RNF144B: variants seen among roughly 807,000 people sequenced by gnomAD.
The protein encoded by RNF144B is ring finger protein 144B.
Under a neutral mutation model 40.2 loss-of-function variants are expected in RNF144B, and 25 were observed. The ratio of observed to expected loss-of-function variants is 0.62; its 90% CI spans 0.45 to 0.87. The LOEUF is 0.87. Among genes scored for constraint, RNF144B ranks in the 40% least tolerant of loss-of-function variants. RNF144B has a pLI of 0.00. For missense variants in RNF144B, 365 were observed against 373.7 expected (o/e 0.98, Z 0.19); for synonymous variants, 145 against 136.3 (o/e 1.06, Z -0.44).
intron 4 of RNF144B, among the ~76,000 whole-genome samples, chr6:18,449,705 A>G (rs1190275118): frequency 1.3e-5 from 2 of 151,790 alleles, no homozygotes; most frequent in Non-Finnish European, 2.9e-5. Context: ...AAGTATATAT[A>G]TATATATACA....
Position 18,443,322 on chromosome 6 carries a change from G to A in RNF144B, c.331+3578G>A, listed in dbSNP as rs1464331418. Among the ~76,000 whole-genome samples, 1 of 152,030 alleles carries A rather than the reference G, an allele frequency of 6.6e-6. No individual in the cohort carries two copies. The highest frequency in any genetic ancestry group is 6.6e-5 in the Admixed American group (1 of 15,262). ...CTGTTGCCCAGGCTGGATTGCAGTGGCACGAACTCTGCCCACTGCAACTTC... is the reference window on the plus strand; with the variant it reads ...CTGTTGCCCAGGCTGGATTGCAGTGACACGAACTCTGCCCACTGCAACTTC... On this transcript the variant is annotated intron_variant, in intron 4 of 7. Transcript: ENST00000259939. The surrounding 1 kb of genome is among the most constrained non-coding windows in gnomAD (Gnocchi z 4.7).
In RNF144B at chr6:18,406,076, T is replaced by C. The variant is rs747657421; in HGVS notation, c.165+6377T>C. ...TTATTTATTCAACAAATATTTGCTG[T>C]GTCTTGCATAGTTCTGATGGTTTGA... On this transcript the variant is annotated intron_variant, in intron 2 of 7. Transcript: ENST00000259939. This position sits in a 1 kb window ranked among gnomAD's most constrained non-coding sequence, Gnocchi z 4.2. The C allele has an allele frequency of 3.9e-6, 2 of 518,886 alleles. No homozygotes were observed. The highest frequency in any genetic ancestry group is 2.8e-5 in the South Asian group (2 of 71,546). 32.1% of individuals were successfully genotyped at this position (518,886 alleles called of 1,614,324 possible).
chr6:18,424,085 C>G (rs1758494047), intron 2 of RNF144B, among the ~76,000 whole-genome samples: 1 of 152,122 alleles, frequency 6.6e-6, no homozygotes, highest in South Asian at 2.1e-4. Flanking sequence ...TTGTTTCTCT[C>G]TTTATAAGCT....
At position 18,425,282 on chromosome 6, in the gene RNF144B, A is replaced by G. The variant is rs1358815621; in HGVS notation, c.166-2299A>G. Among the ~76,000 whole-genome samples the G allele has an allele frequency of 6.6e-6, 1 of 152,126 alleles. No homozygotes were observed. Among genetic ancestry groups the G allele is most frequent in the Non-Finnish European group, 1.5e-5 (1 of 68,022 alleles). The stretch of plus-strand genomic sequence containing the variant: ...CTTGAGCCTGGAGACTATATCTTTC[A>G]GTCTTTTTACTTAAATTTCTTTAAG... On this transcript the variant is annotated intron_variant, in intron 2 of 7. Coordinates refer to ENST00000259939, the MANE Select transcript of RNF144B (RefSeq NM_182757.4). The surrounding 1 kb of genome is among the most constrained non-coding windows in gnomAD (Gnocchi z 4.2).
chr6:18,461,901 G>A (rs1255415930), intron 6 of RNF144B, among the ~76,000 whole-genome samples: 1 of 152,088 alleles, frequency 6.6e-6, no homozygotes, highest in East Asian at 1.9e-4. Context: ...TTGGAGTTGA[G>A]CTTGTTCCTG....
chr6:18,431,805 T>C (rs923463404), intron 3 of RNF144B, among the ~76,000 whole-genome samples: 2 of 152,232 alleles, frequency 1.3e-5, no homozygotes, highest in Non-Finnish European at 2.9e-5. Context: ...CTCTGAGTGC[T>C]TCCTTGTGCA....
rs1758774428 is a variant in RNF144B, at chr6:18,434,586, A to G, written c.271-5098A>G. Among the ~76,000 whole-genome samples, 1 of 152,120 alleles carries G rather than the reference A, an allele frequency of 6.6e-6. No homozygotes were observed. Among genetic ancestry groups the G allele is most frequent in the African/African-American group, 2.4e-5 (1 of 41,418 alleles). The stretch of plus-strand genomic sequence containing the variant: ...CTGCTAGGGATGAAATGGAAAAGCA[A>G]AGACATTCAGCTGAGTAGGAACTGA... On this transcript the variant is annotated intron_variant, in intron 3 of 7. Coordinates refer to ENST00000259939, the MANE Select transcript of RNF144B (RefSeq NM_182757.4). The surrounding 1 kb of genome is among the most constrained non-coding windows in gnomAD (Gnocchi z 4.1).
chr6:18,432,602 C>T (rs1247654456), intron 3 of RNF144B, among the ~76,000 whole-genome samples: 1 of 152,218 alleles, frequency 6.6e-6, no homozygotes, highest in East Asian at 1.9e-4. Context: ...AAGGTGATGT[C>T]TAATTTAAGC....
rs1379643158 is a variant in RNF144B at position 18,434,033 on chromosome 6, G to T, written c.271-5651G>T. Among the ~76,000 whole-genome samples the T allele has an allele frequency of 1.3e-5, 2 of 152,128 alleles. No individual in the cohort carries two copies. The highest frequency in any genetic ancestry group is 6.5e-5 in the Admixed American group (1 of 15,278). ...TTACTAGTGGTCAATTCCATCTCCA[G>T]ATGTTCTGATATGTTTTATTATTTG... On this transcript the variant is annotated intron_variant, in intron 3 of 7. Transcript: ENST00000259939. This position sits in a 1 kb window ranked among gnomAD's most constrained non-coding sequence, Gnocchi z 4.1.
intron 3 of RNF144B, among the ~76,000 whole-genome samples, chr6:18,432,059 G>T (rs1230162388): frequency 6.6e-6 from 1 of 152,102 alleles, no homozygotes; most frequent in Non-Finnish European, 1.5e-5. Flanking sequence ...GACTTTCCTT[G>T]TCATTATTCC....
intron 3 of RNF144B, among the ~76,000 whole-genome samples, chr6:18,432,556 C>T (rs1028390477): frequency 2.6e-5 from 4 of 152,164 alleles, no homozygotes; most frequent in South Asian, 2.1e-4. Context: ...TTACTTCAGG[C>T]GAAGCCCTTG....
Position 18,398,176 on chromosome 6 carries a change from ATTC to A in RNF144B, c.-36-1317_-36-1315del, listed in dbSNP as rs905286517. ...CTCCCACCAGCCCCTGGTAACCTCT[ATTC>A]TTCTTTTTGTCTCTCAGAATTGACT... is the stretch of plus-strand genomic sequence containing the variant. On this transcript the variant is annotated intron_variant, in intron 1 of 7. Transcript: ENST00000259939. The surrounding 1 kb of genome is among the most constrained non-coding windows in gnomAD (Gnocchi z 5.0). Among the ~76,000 whole-genome samples, 24 of 151,898 alleles carry A rather than the reference ATTC, an allele frequency of 1.6e-4. No homozygotes were observed. The highest frequency in any genetic ancestry group is 1.2e-3 in the Admixed American group (19 of 15,246).
chr6:18,394,141 T>C (rs1398425527), intron 1 of RNF144B, among the ~76,000 whole-genome samples: 1 of 152,220 alleles, frequency 6.6e-6, no homozygotes, highest in Non-Finnish European at 1.5e-5. Flanking sequence ...AGTTTCTGCA[T>C]AATAAAGTAA....
At chr6:18,436,905 G>GTT (rs5874640) in intron 3 of RNF144B, among the ~76,000 whole-genome samples, 12,670 of 150,516 alleles carry the variant, frequency 0.084, 611 homozygotes, top group Non-Finnish European at 0.12. Context: ...TTGTTGTTGT[G>GTT]TTTTTTTTTT....
chr6:18,464,786 A>G lies in RNF144B; in HGVS notation c.772-141A>G. On this transcript the variant is annotated intron_variant, in intron 7 of 7. Transcript: ENST00000259939. This position sits in a 1 kb window ranked among gnomAD's most constrained non-coding sequence, Gnocchi z 6.1. ...AAAGGCCTCGTCTCCAAATACCGTC[A>G]CATCGGGGATTTAGGGTTTCAACAT... The G allele has an allele frequency of 2.5e-6, 2 of 791,540 alleles. No individual in the cohort carries two copies. Among genetic ancestry groups the G allele is most frequent in the South Asian group, 1.8e-5 (1 of 54,732 alleles). 49.0% of individuals were successfully genotyped at this position (791,540 alleles called of 1,614,324 possible).
chr6:18,403,321 C>T (rs542272005), intron 2 of RNF144B, among the ~76,000 whole-genome samples: 1 of 152,282 alleles, frequency 6.6e-6, no homozygotes, highest in East Asian at 1.9e-4. Context: ...TTTCTGTCAG[C>T]CGTGAATTAA....
chr6:18,399,020 A>G (rs1037479434), intron 1 of RNF144B, among the ~76,000 whole-genome samples: 10 of 152,180 alleles, frequency 6.6e-5, no homozygotes, highest in African/African-American at 2.4e-4. Context: ...GTTTTGCTCT[A>G]TGTATATAAA....
At chr6:18,427,730 AT>A (rs764610022) in intron 3 of RNF144B, 45 bp downstream of exon 3, 4 of 1,207,604 alleles carry the variant, frequency 3.3e-6, no homozygotes, top group Non-Finnish European at 2.4e-6. Context: ...TATTTATGTT[AT>A]TTATTAGGAT....
chr6:18,409,255 G>A (rs1582407490), intron 2 of RNF144B, among the ~76,000 whole-genome samples: 1 of 151,494 alleles, frequency 6.6e-6, no homozygotes, highest in Non-Finnish European at 1.5e-5. Flanking sequence ...GCGCACACCT[G>A]TAATCCCAGC....
Sources: gnomAD v4.1 joint callset for allele counts (sites outside exome capture counted in the v4.1 genomes callset) on GRCh38, gnomAD v4.1.1 for gene constraint, Gnocchi (gnomAD v3.1) non-coding constraint, MANE v1.5 for transcripts, NCBI Gene and HGNC (gene_info 2026-07-23, HGNC 2026-07-21) for gene names.